The following RTN1 variants were observed in gnomAD, a reference collection of about 807,000 sequenced individuals.
RTN1 encodes the protein reticulon-1.
A neutral mutation model predicts 65.5 loss-of-function variants in RTN1; 25 were observed. The observed-to-expected ratio is 0.38, with a 90% CI of 0.28 to 0.53. RTN1 has a LOEUF of 0.53. Ranked by LOEUF, RTN1 falls within the 20% of genes least tolerant of loss-of-function variation. The probability of loss-of-function intolerance (pLI) is 0.79; values close to 1 mark genes in which losing one functional copy is unlikely to be tolerated. For missense variants in RTN1, 983 were observed against 1,025.4 expected (o/e 0.96, Z 0.57); for synonymous variants, 471 against 447.6 (o/e 1.05, Z -0.66).
At chr14:59,640,278 T>C (rs918926390) in intron 3 of RTN1, among the ~76,000 whole-genome samples, 3 of 152,198 alleles carry the variant, frequency 2.0e-5, no homozygotes, top group Non-Finnish European at 4.4e-5. Context: ...TGTTGGTTTT[T>C]ATTTCCAAAT....
At position 59,813,151 on chromosome 14, in the gene RTN1, C is replaced by T. The variant is rs141405803; in HGVS notation, c.241+57239G>A. On this transcript the variant is annotated intron_variant, in intron 1 of 8. Transcript: ENST00000267484. ...CAAAGTAAGGGCTTTCTAAAAGAAA[C>T]TTGAGTTGTGGAAGGAACATTTTGA... Among the ~76,000 whole-genome samples, 45 of 152,162 alleles carry T rather than the reference C, an allele frequency of 3.0e-4. 1 individual carries two copies. In the East Asian group the frequency reaches 8.5e-3, roughly 29 times the overall value.
chr14:59,643,906 A>C (rs1427976878), intron 3 of RTN1, among the ~76,000 whole-genome samples: 1 of 152,190 alleles, frequency 6.6e-6, no homozygotes, highest in Non-Finnish European at 1.5e-5. Flanking sequence ...AAAAAATAAA[A>C]ACTTACTATG....
chr14:59,719,270 C>T (rs1244016709), intron 3 of RTN1, among the ~76,000 whole-genome samples: 2 of 152,146 alleles, frequency 1.3e-5, no homozygotes, highest in African/African-American at 2.4e-5. Context: ...ACTTGTTTCC[C>T]ATGTATAGAA....
rs1232004350 is a variant in RTN1, at chr14:59,836,771, G to A, written c.241+33619C>T. 7.2e-5 allele frequency among the ~76,000 whole-genome samples: 11 copies of A among 152,210 alleles called. No homozygotes were observed. In the East Asian group the frequency reaches 7.7e-4, roughly 11 times the overall value. On this transcript the variant is annotated intron_variant, in intron 1 of 8. Coordinates refer to ENST00000267484, the MANE Select transcript of RTN1 (RefSeq NM_021136.3). The surrounding 1 kb of genome is among the most constrained non-coding windows in gnomAD (Gnocchi z 4.9). The stretch of plus-strand genomic sequence containing the variant: ...AGGAGGAAGAAAGCCAATGCTGAGC[G>A]GGGTGACACATCGCAGGGGTGCTTA...
intron 3 of RTN1, among the ~76,000 whole-genome samples, chr14:59,685,378 G>T (rs987848568): frequency 1.3e-5 from 2 of 152,216 alleles, no homozygotes; most frequent in Admixed American, 6.5e-5. Flanking sequence ...AAGCTAAATT[G>T]TCTCTCTTTG....
chr14:59,631,519 G>C (rs1882554536), intron 3 of RTN1, among the ~76,000 whole-genome samples: 1 of 152,212 alleles, frequency 6.6e-6, no homozygotes, highest in Admixed American at 6.5e-5. Context: ...TCCAAGCCCA[G>C]GTAGTTAAGG....
intron 3 of RTN1, among the ~76,000 whole-genome samples, chr14:59,659,777 T>C (rs1377887277): frequency 6.6e-6 from 1 of 152,272 alleles, no homozygotes; most frequent in East Asian, 1.9e-4. Flanking sequence ...TACCAGCCAC[T>C]GCAAAAACAT....
chr14:59,737,436 C>A (rs985167484), intron 2 of RTN1, among the ~76,000 whole-genome samples: 1 of 152,056 alleles, frequency 6.6e-6, no homozygotes, highest in Non-Finnish European at 1.5e-5. Context: ...AATAAAATAC[C>A]TAGGAATACA....
intron 3 of RTN1, among the ~76,000 whole-genome samples, chr14:59,656,170 A>T (rs184093912): frequency 6.6e-6 from 1 of 152,250 alleles, no homozygotes; most frequent in Non-Finnish European, 1.5e-5. Context: ...ATGTCAAGAC[A>T]AGGCAAGTTT....
chr14:59,677,202 T>C (rs72716143), intron 3 of RTN1, among the ~76,000 whole-genome samples: 4,698 of 152,310 alleles, frequency 0.031, 104 homozygotes, highest in Non-Finnish European at 0.048. Context: ...TACCAATATT[T>C]GACTTATGTT....
intron 1 of RTN1, among the ~76,000 whole-genome samples, chr14:59,822,377 A>G (rs1303449890): frequency 6.6e-6 from 1 of 152,006 alleles, no homozygotes; most frequent in Admixed American, 6.6e-5. Flanking sequence ...CATTTCTGAT[A>G]TGTTTATTTG....
chr14:59,810,432 T>TA (rs1434509783), intron 1 of RTN1, among the ~76,000 whole-genome samples: 1 of 152,188 alleles, frequency 6.6e-6, no homozygotes, highest in African/African-American at 2.4e-5. Context: ...GTAGAAGTAA[T>TA]AGAGTTCTCT....
At chr14:59,663,930 C>T (rs985941039) in intron 3 of RTN1, among the ~76,000 whole-genome samples, 5 of 152,068 alleles carry the variant, frequency 3.3e-5, no homozygotes, top group African/African-American at 9.7e-5. Context: ...GGATCTAGAA[C>T]CAGAAACATC....
At position 59,727,425 on chromosome 14, in the gene RTN1, G is replaced by C; in HGVS notation, c.1259C>G (p.Pro420Arg). The C allele has an allele frequency of 6.4e-7, 1 of 1,552,574 alleles. No individual in the cohort carries two copies. The highest frequency in any genetic ancestry group is 8.7e-7 in the Non-Finnish European group (1 of 1,148,980). The change falls in exon 3 of 9, where the codon CCC becomes CGC. Residue 420 changes from proline (P) to arginine (R), a missense_variant. Transcript: ENST00000267484. This position sits in a 1 kb window ranked among gnomAD's most constrained non-coding sequence, Gnocchi z 4.2. Reference sequence around the variant, plus strand: ...GGGCAGCGCGTCCTCCGCGGCCATGGGGTCCTCGGACACCAGCTCGATCTC... The same window carrying C: ...GGGCAGCGCGTCCTCCGCGGCCATGCGGTCCTCGGACACCAGCTCGATCTC... ...DSEIELVSED[P>R]MAAEDALPSG...
chr14:59,689,309 T>C (rs180776391), intron 3 of RTN1, among the ~76,000 whole-genome samples: 46 of 152,332 alleles, frequency 3.0e-4, no homozygotes, highest in Non-Finnish European at 2.2e-4. Flanking sequence ...AAATATGGGA[T>C]TAGGTAAAGT....
chr14:59,807,187 G>A (rs1456106120), intron 1 of RTN1, among the ~76,000 whole-genome samples: 2 of 152,174 alleles, frequency 1.3e-5, no homozygotes, highest in Non-Finnish European at 2.9e-5. Flanking sequence ...CATGGTGGGT[G>A]GTGACAGTGA....
intron 3 of RTN1, among the ~76,000 whole-genome samples, chr14:59,678,020 T>A (rs574200445): frequency 1.7e-4 from 26 of 152,172 alleles, no homozygotes; most frequent in Admixed American, 7.2e-4. Flanking sequence ...CTAGGCATTT[T>A]AGAAAAATAA....
At chr14:59,729,445 T>A (rs1884854099) in intron 2 of RTN1, among the ~76,000 whole-genome samples, 1 of 152,234 alleles carries the variant, frequency 6.6e-6, no homozygotes, top group Non-Finnish European at 1.5e-5. Flanking sequence ...ATCATGTTTT[T>A]AAAAATTTAT....
chr14:59,623,775 A>G (rs1399950941), intron 3 of RTN1, among the ~76,000 whole-genome samples: 1 of 152,194 alleles, frequency 6.6e-6, no homozygotes, highest in Admixed American at 6.5e-5. Flanking sequence ...AAAAAAAATG[A>G]ATACGTTTAA....
Sources: allele counts gnomAD v4.1 joint callset (sites outside exome capture counted in the v4.1 genomes callset), GRCh38; gene constraint gnomAD v4.1.1; non-coding constraint Gnocchi (gnomAD v3.1); transcripts MANE v1.5; gene names NCBI Gene and HGNC (gene_info 2026-07-23, HGNC 2026-07-21).